SLC29A3: variants seen among roughly 807,000 people sequenced by gnomAD.
SLC29A3 encodes solute carrier family 29 member 3, also known as equilibrative nucleoside transporter 3.
In SLC29A3, 18 loss-of-function variants were observed where a neutral mutation model predicts 25.4. The ratio of observed to expected loss-of-function variants is 0.71; its 90% CI spans 0.49 to 1.05. The LOEUF is 1.05. SLC29A3 is among the 50% of genes least tolerant of loss of function. SLC29A3 has a pLI of 0.00. For missense variants in SLC29A3, 586 were observed against 609.0 expected (o/e 0.96, Z 0.40); for synonymous variants, 258 against 267.1 (o/e 0.97, Z 0.33).
intron 3 of SLC29A3, among the ~76,000 whole-genome samples, chr10:71,372,077 A>C (rs1847215718): frequency 6.6e-6 from 1 of 152,230 alleles, no homozygotes; most frequent in Admixed American, 6.5e-5. Flanking sequence ...AGTGAGAACC[A>C]GTCATCGGTC....
intron 2 of SLC29A3, among the ~76,000 whole-genome samples, chr10:71,324,261 A>G (rs903893918): frequency 6.6e-6 from 1 of 152,196 alleles, no homozygotes; most frequent in African/African-American, 2.4e-5. Context: ...CCCTTGAACA[A>G]CAAGGGTTCA....
chr10:71,319,364 C>A (rs1392255123), intron 1 of SLC29A3, 54 bp downstream of exon 1: 1 of 608,690 alleles, frequency 1.6e-6, no homozygotes, highest in Non-Finnish European at 2.9e-6. Flanking sequence ...CGCCCCCAGA[C>A]TCGCGCTCAG....
At chr10:71,328,498 T>G (rs1326598094) in intron 2 of SLC29A3, among the ~76,000 whole-genome samples, 1 of 152,162 alleles carries the variant, frequency 6.6e-6, no homozygotes, top group Non-Finnish European at 1.5e-5. Flanking sequence ...CACCCGTAGG[T>G]CAGGAACTGT....
intron 3 of SLC29A3, among the ~76,000 whole-genome samples, chr10:71,372,456 G>C (rs1057491535): frequency 2.0e-5 from 3 of 152,216 alleles, no homozygotes; most frequent in African/African-American, 7.2e-5. Context: ...GGTAAATGCA[G>C]ATTGCTGTAT....
chr10:71,327,182 T>A (rs1477216427), intron 2 of SLC29A3, among the ~76,000 whole-genome samples: 1 of 152,210 alleles, frequency 6.6e-6, no homozygotes. Flanking sequence ...GATGGGGAGC[T>A]TGACCCAGGA....
chr10:71,348,001 G>A (rs1267503647), intron 3 of SLC29A3, among the ~76,000 whole-genome samples: 1 of 152,240 alleles, frequency 6.6e-6, no homozygotes, highest in African/African-American at 2.4e-5. Flanking sequence ...AGAGGCAGAG[G>A]CCATTCCCGA....
At chr10:71,356,894 T>C (rs180708329) in intron 5 of SLC29A3, among the ~76,000 whole-genome samples, 49 of 152,312 alleles carry the variant, frequency 3.2e-4, no homozygotes, top group Admixed American at 3.2e-3. Context: ...GTACTATTAT[T>C]ATTTTTTATT....
At chr10:71,377,149 A>T (rs1847258729) in intron 4 of SLC29A3, among the ~76,000 whole-genome samples, 1 of 152,170 alleles carries the variant, frequency 6.6e-6, no homozygotes, top group Non-Finnish European at 1.5e-5. Context: ...CGAAGTGCTC[A>T]GATCTCCGGG....
downstream of SLC29A3, chr10:71,363,457 T>A (rs1847123166): frequency 2.5e-6 from 1 of 400,800 alleles, no homozygotes; most frequent in African/African-American, 2.1e-5. Context: ...AATTTGAGGA[T>A]TTTTTAAAAT....
At chr10:71,368,263 C>A (rs1847185499), downstream of SLC29A3, among the ~76,000 whole-genome samples, 1 of 152,132 alleles carries the variant, frequency 6.6e-6, no homozygotes, top group Non-Finnish European at 1.5e-5. Flanking sequence ...AAATGAGAAG[C>A]CTCTCAGGGC....
At chr10:71,344,831 C>T (rs1846522646) in intron 3 of SLC29A3, among the ~76,000 whole-genome samples, 1 of 152,218 alleles carries the variant, frequency 6.6e-6, no homozygotes, top group Non-Finnish European at 1.5e-5. Flanking sequence ...CTCAAATTCT[C>T]AATTTGAGTT....
intron 2 of SLC29A3, among the ~76,000 whole-genome samples, chr10:71,333,420 A>G (rs1846167361): frequency 6.6e-6 from 1 of 152,244 alleles, no homozygotes; most frequent in South Asian, 2.1e-4. Context: ...TTCTGCCCAC[A>G]TGCACCTCCA....
At chr10:71,336,479 C>T (rs12256138) in intron 2 of SLC29A3, among the ~76,000 whole-genome samples, 48,369 of 151,614 alleles carry the variant, frequency 0.32, 9,072 homozygotes, top group Non-Finnish European at 0.43. Context: ...GGGAGGGACA[C>T]GGCTTTGGCA....
intron 2 of SLC29A3, among the ~76,000 whole-genome samples, chr10:71,335,132 G>C (rs529025734): frequency 1.3e-5 from 2 of 152,130 alleles, no homozygotes; most frequent in East Asian, 3.9e-4. Flanking sequence ...ATTAACCACT[G>C]CTACCTGCTT....
At chr10:71,350,314 CGTGTGTGT>C (rs775651402) in intron 3 of SLC29A3, among the ~76,000 whole-genome samples, 277 of 142,576 alleles carry the variant, frequency 1.9e-3, no homozygotes, top group African/African-American at 6.5e-3. Context: ...TTCACACCTA[CGTGTGTGT>C]GTGTGTGTGT....
rs538258026 is a variant in SLC29A3, at chr10:71,350,386, TA to T, written c.384-1168del. ...CCTTTCAAGTTTTTCTTTTTTTAAT[TA>T]AAAAAAAGTATGTAATCTGGCTTTT... On this transcript the variant is annotated intron_variant, in intron 3 of 5. Coordinates refer to ENST00000373189, the MANE Select transcript of SLC29A3 (RefSeq NM_018344.6). 2.5e-3 allele frequency among the ~76,000 whole-genome samples: 374 copies of T among 151,456 alleles called. 1 individual carries two copies. Among genetic ancestry groups the T allele is most frequent in the African/African-American group, 8.6e-3 (355 of 41,218 alleles).
rs573730362 is a variant in SLC29A3, at chr10:71,360,319, T to C, written c.774-1635T>C. On this transcript the variant is annotated intron_variant, in intron 5 of 5. Coordinates refer to ENST00000373189, the MANE Select transcript of SLC29A3 (RefSeq NM_018344.6). The stretch of plus-strand genomic sequence containing the variant: ...CCACCATGCCTGGCTAATTTTTGTA[T>C]TTTTAGTAGAGGTGGGGTTTCACCA... Among the ~76,000 whole-genome samples the C allele has an allele frequency of 7.9e-5, 12 of 152,106 alleles. No individual in the cohort carries two copies. In the South Asian group the frequency reaches 2.5e-3, roughly 32 times the overall value.
chr10:71,375,492 T>C (rs1198133749), intron 3 of SLC29A3, among the ~76,000 whole-genome samples: 1 of 152,264 alleles, frequency 6.6e-6, no homozygotes. Context: ...CCACTAGAAT[T>C]GAAAACAATA....
At chr10:71,342,350 G>A (rs1457194843) in intron 2 of SLC29A3, among the ~76,000 whole-genome samples, 1 of 152,180 alleles carries the variant, frequency 6.6e-6, no homozygotes, top group African/African-American at 2.4e-5. Context: ...CCTCAAGTCT[G>A]TTCTCTGAGT....
Sources: gnomAD v4.1 joint callset for allele counts (sites outside exome capture counted in the v4.1 genomes callset) on GRCh38, gnomAD v4.1.1 for gene constraint, MANE v1.5 for transcripts, NCBI Gene and HGNC (gene_info 2026-07-23, HGNC 2026-07-21) for gene names.